Variants in DLG2 observed in about 807,000 individuals in gnomAD.
DLG2 encodes disks large homolog 2.
A neutral mutation model predicts 132.5 loss-of-function variants in DLG2; 45 were observed. That is an observed-to-expected ratio of 0.34 (90% CI 0.27 to 0.44). DLG2 has a LOEUF of 0.44. Ranked by LOEUF, DLG2 falls within the 20% of genes least tolerant of loss-of-function variation. The pLI, the probability that DLG2 is intolerant of heterozygous loss-of-function variation, is 1.00. For synonymous variants in DLG2, 424 were observed against 419.6 expected, an observed-to-expected ratio of 1.01 and a Z score of -0.13; for missense variants, 1,045 against 1,196.9, an observed-to-expected ratio of 0.87 and a Z score of 1.87.
chr11:84,286,000 T>C, intron 7 of DLG2, among the ~76,000 whole-genome samples: 1 of 152,094 alleles, frequency 6.6e-6, no homozygotes, highest in South Asian at 2.1e-4. Flanking sequence ...ACACACTGAG[T>C]GGTTCAATGA....
chr11:84,522,087 G>T (rs768868550), intron 7 of DLG2, among the ~76,000 whole-genome samples: 5 of 151,714 alleles, frequency 3.3e-5, no homozygotes, highest in South Asian at 2.1e-4. Context: ...CGAATCACTT[G>T]AATCCAGGAG....
chr11:84,166,059 G>T (rs969526287), intron 8 of DLG2, among the ~76,000 whole-genome samples: 1 of 152,186 alleles, frequency 6.6e-6, no homozygotes, highest in African/African-American at 2.4e-5. Context: ...ACAGGAGCCA[G>T]TGAGAGAGTT....
intron 6 of DLG2, among the ~76,000 whole-genome samples, chr11:84,978,843 A>C (rs562345305): frequency 6.6e-6 from 1 of 152,324 alleles, no homozygotes; most frequent in African/African-American, 2.4e-5. Context: ...GAGCGTCTGC[A>C]CAGCAAAAGA....
At chr11:83,506,668 G>A (rs2094717656) in intron 21 of DLG2, among the ~76,000 whole-genome samples, 1 of 152,170 alleles carries the variant, frequency 6.6e-6, no homozygotes, top group Non-Finnish European at 1.5e-5. Context: ...GTTGGGAGGG[G>A]ATGTTGACAC....
At chr11:85,317,093 A>T (rs893976965) in intron 3 of DLG2, among the ~76,000 whole-genome samples, 12 of 151,936 alleles carry the variant, frequency 7.9e-5, no homozygotes, top group African/African-American at 2.9e-4. Flanking sequence ...AAAAGTAAAT[A>T]CAGAAGCATT....
At chr11:85,144,074 T>C (rs180943955) in intron 5 of DLG2, among the ~76,000 whole-genome samples, 7 of 151,940 alleles carry the variant, frequency 4.6e-5, no homozygotes, top group Non-Finnish European at 1.0e-4. Context: ...CTCTTTAGCC[T>C]TAATAATATT....
chr11:84,669,640 C>G (rs2099703592), intron 6 of DLG2, among the ~76,000 whole-genome samples: 1 of 152,074 alleles, frequency 6.6e-6, no homozygotes. Context: ...CCTTTTTCCC[C>G]CTACTAAACA....
chr11:84,724,681 G>T (rs914863706), intron 6 of DLG2, among the ~76,000 whole-genome samples: 1 of 152,110 alleles, frequency 6.6e-6, no homozygotes, highest in African/African-American at 2.4e-5. Flanking sequence ...AAATGACAGG[G>T]CGAGATTAAG....
chr11:84,795,898 G>A (rs940626394), intron 6 of DLG2, among the ~76,000 whole-genome samples: 7 of 152,160 alleles, frequency 4.6e-5, no homozygotes, highest in Middle Eastern at 3.4e-3. Context: ...CAGCACGCAC[G>A]CTGACACCTG....
intron 3 of DLG2, among the ~76,000 whole-genome samples, chr11:85,403,070 T>C (rs1311858322): frequency 6.6e-6 from 1 of 152,124 alleles, no homozygotes; most frequent in East Asian, 1.9e-4. Context: ...CTATTCACAA[T>C]AGCAAAGACT....
At chr11:85,027,326 C>T (rs907849386) in intron 6 of DLG2, among the ~76,000 whole-genome samples, 22 of 152,020 alleles carry the variant, frequency 1.4e-4, no homozygotes, top group African/African-American at 3.4e-4. Context: ...TTGGGTTATT[C>T]GATTTTTTTT....
At chr11:83,701,300 T>C (rs577549711) in intron 18 of DLG2, among the ~76,000 whole-genome samples, 12 of 152,140 alleles carry the variant, frequency 7.9e-5, no homozygotes, top group Non-Finnish European at 1.5e-5. Flanking sequence ...AGGATAAATA[T>C]AATCCCTACC....
At chr11:83,478,230 A>G (rs1013657226) in intron 22 of DLG2, among the ~76,000 whole-genome samples, 3 of 152,074 alleles carry the variant, frequency 2.0e-5, no homozygotes, top group Non-Finnish European at 2.9e-5. Flanking sequence ...GGAGGAATAC[A>G]TGTCATTTTT....
chr11:84,429,120 A>T (rs2098976225), intron 7 of DLG2, among the ~76,000 whole-genome samples: 1 of 152,356 alleles, frequency 6.6e-6, no homozygotes, highest in Non-Finnish European at 1.5e-5. Context: ...GAAGGTGGAC[A>T]GAGTCTCCTT....
intron 7 of DLG2, among the ~76,000 whole-genome samples, chr11:84,310,261 A>C (rs1352257348): frequency 6.6e-6 from 1 of 152,226 alleles, no homozygotes; most frequent in Non-Finnish European, 1.5e-5. Flanking sequence ...TAAGGAAGTC[A>C]TACACACCTG....
intron 16 of DLG2, among the ~76,000 whole-genome samples, chr11:83,836,177 C>G (rs2056117347): frequency 6.6e-6 from 1 of 152,260 alleles, no homozygotes; most frequent in Admixed American, 6.5e-5. Flanking sequence ...TTATTCTATT[C>G]AGGCCTTCAG....
At chr11:83,770,754 G>T (rs1321020362) in intron 18 of DLG2, among the ~76,000 whole-genome samples, 1 of 151,684 alleles carries the variant, frequency 6.6e-6, no homozygotes, top group African/African-American at 2.4e-5. Flanking sequence ...TTTATTTTTG[G>T]TTTATAGTTA....
At chr11:83,733,746 C>G (rs1488220623) in intron 18 of DLG2, among the ~76,000 whole-genome samples, 2 of 152,140 alleles carry the variant, frequency 1.3e-5, no homozygotes, top group East Asian at 3.8e-4. Flanking sequence ...CCAAATGTGC[C>G]TTTGCTCATT....
intron 19 of DLG2, among the ~76,000 whole-genome samples, chr11:83,629,046 G>A (rs1386212940): frequency 2.0e-5 from 3 of 152,104 alleles, no homozygotes; most frequent in Non-Finnish European, 4.4e-5. Flanking sequence ...ATATTTGAAA[G>A]GCTCTTGGTT....
Sources: gnomAD v4.1 joint callset for allele counts (sites outside exome capture counted in the v4.1 genomes callset) on GRCh38, gnomAD v4.1.1 for gene constraint, MANE v1.5 for transcripts, NCBI Gene and HGNC (gene_info 2026-07-23, HGNC 2026-07-21) for gene names.